DNAJC8: variants seen among roughly 807,000 people sequenced by gnomAD.
The protein encoded by DNAJC8 is DnaJ heat shock protein family (Hsp40) member C8.
DNAJC8 carries 24 observed loss-of-function variants against 43.2 expected under a neutral mutation model. That is an observed-to-expected ratio of 0.56 (90% CI 0.40 to 0.78). The LOEUF (loss-of-function observed/expected upper bound fraction) is 0.78. Ranked by LOEUF, DNAJC8 falls within the 30% of genes least tolerant of loss-of-function variation. The pLI is 0.00. For synonymous variants in DNAJC8, 83 were observed against 98.0 expected, an observed-to-expected ratio of 0.85 and a Z score of 0.90; for missense variants, 207 against 299.4, an observed-to-expected ratio of 0.69 and a Z score of 2.28.
At chr1:28,214,710 C>T (rs1204936900) in intron 3 of DNAJC8, among the ~76,000 whole-genome samples, 3 of 151,954 alleles carry the variant, frequency 2.0e-5, no homozygotes, top group Non-Finnish European at 4.4e-5. Context: ...TAAGGAGTTG[C>T]AGAGATTCTA....
Position 28,201,243 on chromosome 1 carries a change from G to A in DNAJC8, c.*5C>T. ...GAAAGGTTCTGTGCCTGTGACCTTG[G>A]GCGGTCACTCACGTTGCTCCATTTT... On this transcript the variant is annotated 3_prime_UTR_variant, in exon 9 of 9. Transcript: ENST00000263697. 5 of 1,611,980 alleles carry A rather than the reference G, an allele frequency of 3.1e-6. No individual in the cohort carries two copies. The highest frequency in any genetic ancestry group is 1.7e-5 in the Admixed American group (1 of 60,008).
chr1:28,232,974 T>A lies in DNAJC8; in HGVS notation c.25A>T (p.Thr9Ser), dbSNP rs748949399. The A allele has an allele frequency of 5.0e-6, 8 of 1,612,588 alleles. No homozygotes were observed. The East Asian group carries it at 1.1e-4, about 22-fold the overall frequency. Residue 9 changes from threonine (T) to serine (S), a missense_variant, in exon 1 of 9, where the codon ACT (threonine) becomes TCT (serine). Physicochemically the swap from Thr to Ser is moderately conservative, Grantham distance 58. Transcript: ENST00000263697. The stretch of plus-strand genomic sequence containing the variant: ...TCGGTGCTGCCTCCGCCGCCTGAAG[T>A]CCCGCTCTCTCCTGAAGCCGCCATT... The part of the protein sequence containing the change: MAASGESG[T>S]SGGGGSTEEA...
chr1:28,204,986 G>A (rs911921869), intron 7 of DNAJC8, among the ~76,000 whole-genome samples: 4 of 152,154 alleles, frequency 2.6e-5, no homozygotes, highest in Admixed American at 6.5e-5. Flanking sequence ...TCGCACCACT[G>A]CATTCCAGCC....
intron 2 of DNAJC8, among the ~76,000 whole-genome samples, chr1:28,223,351 G>C (rs1270076142): frequency 6.6e-6 from 1 of 152,106 alleles, no homozygotes; most frequent in East Asian, 1.9e-4. Context: ...CAGTGAAAAG[G>C]GCCCCCAGCA....
chr1:28,222,384 G>A (rs1646904500), intron 2 of DNAJC8, among the ~76,000 whole-genome samples: 1 of 151,068 alleles, frequency 6.6e-6, no homozygotes, highest in South Asian at 2.1e-4. Flanking sequence ...TACTCAGGAG[G>A]CTGAGACAGG....
In DNAJC8 at chr1:28,201,295, G is replaced by A. The variant is rs561902825; in HGVS notation, c.715C>T (p.Arg239Trp). The change falls in exon 9 of 9, where the codon CGG becomes TGG. Residue 239 changes from arginine (R) to tryptophan (W), a missense_variant. Arg to Trp is a moderately radical substitution (Grantham distance 101). Around this residue, in one of 2 missense-constraint regions of DNAJC8, gnomAD observed 159 missense variants for 267.5 expected, o/e 0.59. Coordinates refer to ENST00000263697, the MANE Select transcript of DNAJC8 (RefSeq NM_014280.3). ...NTKGKKEKKN[R>W]TFLRPPKVKM... is the part of the protein sequence containing the mutation. ...ACTTTCGGTGGTCTCAGGAAGGTCC[G>A]ATTTTTCTTCTCTTTCTTCCCCTTC... 4 of 1,612,602 alleles carry A rather than the reference G, an allele frequency of 2.5e-6. No individual in the cohort carries two copies. Among genetic ancestry groups the A allele is most frequent in the South Asian group, 2.2e-5 (2 of 90,998 alleles).
chr1:28,212,657 C>A (rs1332797116), intron 3 of DNAJC8, among the ~76,000 whole-genome samples: 1 of 151,962 alleles, frequency 6.6e-6, no homozygotes, highest in African/African-American at 2.4e-5. Flanking sequence ...TTCAGATACT[C>A]ACAGTTAAAA....
chr1:28,225,099 A>G (rs376982191), intron 2 of DNAJC8, among the ~76,000 whole-genome samples: 3 of 151,318 alleles, frequency 2.0e-5, no homozygotes, highest in African/African-American at 7.3e-5. Flanking sequence ...TTATATAGTA[A>G]CAATGTATCC....
Position 28,228,780 on chromosome 1 carries a change from T to C in DNAJC8, c.180+142A>G, listed in dbSNP as rs1646954750. 2.0e-5 allele frequency: 13 copies of C among 666,336 alleles called. No individual in the cohort carries two copies. In the East Asian group the frequency reaches 3.4e-4, roughly 17 times the overall value. The allele number at this position is 666,336 out of a possible 1,614,324, so 41.3% of individuals were successfully genotyped here. ...GGATAAGGAATACTCAATTTTGTAC[T>C]ATACAGATTCCATCACTTTACTCCA... On this transcript the variant is annotated intron_variant, in intron 2 of 8. Transcript: ENST00000263697.
chr1:28,228,032 C>T (rs1445769399), intron 2 of DNAJC8, among the ~76,000 whole-genome samples: 1 of 152,074 alleles, frequency 6.6e-6, no homozygotes, highest in Non-Finnish European at 1.5e-5. Context: ...TATAGTGAAA[C>T]AGAAGTTTTA....
chr1:28,211,637 T>G (rs977770504), intron 3 of DNAJC8, among the ~76,000 whole-genome samples: 2 of 152,178 alleles, frequency 1.3e-5, no homozygotes, highest in African/African-American at 2.4e-5. Context: ...ATTTCCACCC[T>G]CAGACCTTCT....
chr1:28,215,088 G>T, intron 2 of DNAJC8, 92 bp from the exon 3 acceptor site: 1 of 1,086,732 alleles, frequency 9.2e-7, no homozygotes, highest in Non-Finnish European at 1.3e-6. Context: ...ATTATAATCA[G>T]CATCTAGAAT....
chr1:28,200,370 T>C lies in DNAJC8; in HGVS notation c.*878A>G, dbSNP rs1646724920. ...TATTGGCAATACCCAAGGAGCACTA[T>C]GGTAGTTACCTTGTATATGCCATGG... is the stretch of plus-strand genomic sequence containing the variant. On this transcript the variant is annotated 3_prime_UTR_variant, in exon 9 of 9. Coordinates refer to ENST00000263697, the MANE Select transcript of DNAJC8 (RefSeq NM_014280.3). 2.4e-6 allele frequency: 1 copy of C among 413,996 alleles called. No individual in the cohort carries two copies. Among genetic ancestry groups the C allele is most frequent in the South Asian group, 1.7e-5 (1 of 57,298 alleles). The allele number at this position is 413,996 out of a possible 1,614,324, so 25.6% of individuals were successfully genotyped here.
intron 1 of DNAJC8, among the ~76,000 whole-genome samples, chr1:28,229,876 A>G (rs978281415): frequency 6.6e-6 from 1 of 152,192 alleles, no homozygotes; most frequent in African/African-American, 2.4e-5. Flanking sequence ...AGTAAGACAT[A>G]AACTATGAGC....
chr1:28,200,640 G>A lies in DNAJC8; in HGVS notation c.*608C>T, dbSNP rs199732438. On this transcript the variant is annotated 3_prime_UTR_variant, in exon 9 of 9. Coordinates refer to ENST00000263697, the MANE Select transcript of DNAJC8 (RefSeq NM_014280.3). ...TAGGACATGGTACTGGGTGGAGGAC[G>A]GCTAGCTCTTTGGAAAGTGAAAGGT... The A allele has an allele frequency of 1.2e-3, 534 of 455,632 alleles. 1 individual carries two copies. Among genetic ancestry groups the A allele is most frequent in the Non-Finnish European group, 2.1e-3 (482 of 226,802 alleles). 28.2% of individuals were successfully genotyped at this position (455,632 alleles called of 1,614,324 possible). A position where few individuals can be genotyped will look rare whatever the true frequency, so the allele number is the denominator to read the frequency against.
Position 28,208,353 on chromosome 1 carries a change from C to T in DNAJC8, c.460G>A (p.Asp154Asn). 1.9e-6 allele frequency: 3 copies of T among 1,613,500 alleles called. No individual in the cohort carries two copies. The highest frequency in any genetic ancestry group is 2.5e-6 in the Non-Finnish European group (3 of 1,179,688). ...EGKPTIVEED[D>N]PELFKQAVYK... The stretch of plus-strand genomic sequence containing the variant: ...TATATTTAACTCACCAGCTCAGGAT[C>T]ATCCTCCTCTACAATTGTAGGTTTT... The change falls in exon 6 of 9, where the codon GAT becomes AAT. Residue 154 changes from aspartate to asparagine, a missense_variant. Coordinates refer to ENST00000263697, the MANE Select transcript of DNAJC8 (RefSeq NM_014280.3).
chr1:28,229,672 G>A (rs902924804), intron 1 of DNAJC8, among the ~76,000 whole-genome samples: 6 of 151,966 alleles, frequency 3.9e-5, no homozygotes, highest in African/African-American at 1.2e-4. Flanking sequence ...TACTTGGGAG[G>A]CTGAGGCAGG....
intron 1 of DNAJC8, among the ~76,000 whole-genome samples, chr1:28,231,714 C>T (rs1426553414): frequency 4.2e-5 from 6 of 141,258 alleles, no homozygotes; most frequent in Non-Finnish European, 7.4e-5. Flanking sequence ...AAAACTCCGC[C>T]TTAGGAAAAA....
Position 28,232,929 on chromosome 1 carries a change from A to G in DNAJC8, c.70T>C (p.Tyr24His). ...CCTCACTCTGTGTTCACCTCACTGTAGAAGGTCATAAATGCTTCCTCGGTG... is the reference window on the plus strand; with the variant it reads ...CCTCACTCTGTGTTCACCTCACTGTGGAAGGTCATAAATGCTTCCTCGGTG... ...GSTEEAFMTFYSEVKQIEKRD... is the reference protein window; with the variant it reads ...GSTEEAFMTFHSEVKQIEKRD... The change falls in exon 1 of 9, where the codon TAC (tyrosine) becomes CAC (histidine). Residue 24 changes from tyrosine (Y) to histidine (H), a missense_variant. By Grantham distance (83) the Tyr-to-His change is moderately conservative. Transcript: ENST00000263697. The G allele has an allele frequency of 1.9e-6, 3 of 1,613,252 alleles. No homozygotes were observed. The highest frequency in any genetic ancestry group is 2.5e-6 in the Non-Finnish European group (3 of 1,180,006).
Sources: allele counts gnomAD v4.1 joint callset (sites outside exome capture counted in the v4.1 genomes callset), GRCh38; gene constraint gnomAD v4.1.1; regional missense constraint gnomAD v4.1.1; transcripts MANE v1.5; gene names NCBI Gene and HGNC (gene_info 2026-07-23, HGNC 2026-07-21).